The following LIPA variants were observed in gnomAD, a reference collection of about 807,000 sequenced individuals.
LIPA encodes lipase A, lysosomal acid type, also known as lysosomal acid lipase/cholesteryl ester hydrolase.
A neutral mutation model predicts 40.6 loss-of-function variants in LIPA; 26 were observed. That is an observed-to-expected ratio of 0.64 (90% CI 0.47 to 0.89). The LOEUF (loss-of-function observed/expected upper bound fraction) is 0.89. Among genes scored for constraint, LIPA ranks in the 40% least tolerant of loss-of-function variants. LIPA has a pLI of 0.00. For missense variants in LIPA, 455 were observed against 479.6 expected, an observed-to-expected ratio of 0.95 and a Z score of 0.48; for synonymous variants, 188 against 168.4, an observed-to-expected ratio of 1.12 and a Z score of -0.90.
At chr10:89,217,901 T>C (rs375477370) in intron 8 of LIPA, among the ~76,000 whole-genome samples, 1 of 152,170 alleles carries the variant, frequency 6.6e-6, no homozygotes, top group South Asian at 2.1e-4. Flanking sequence ...AAATAATAGA[T>C]ATTTGGGTAA....
intron 1 of LIPA, among the ~76,000 whole-genome samples, chr10:89,300,995 G>C (rs61853126): frequency 6.6e-6 from 1 of 152,086 alleles, no homozygotes; most frequent in African/African-American, 2.4e-5. Context: ...TTTGGTTAAC[G>C]ATTTTAGTTA....
intron 1 of LIPA, among the ~76,000 whole-genome samples, chr10:89,312,952 ATGAC>A (rs1322877772): frequency 3.3e-5 from 5 of 152,092 alleles, no homozygotes; most frequent in African/African-American, 1.2e-4. Context: ...GAGGGAGAAA[ATGAC>A]TGGCAGAGGA....
intron 2 of LIPA, among the ~76,000 whole-genome samples, chr10:89,361,643 C>T (rs958042003): frequency 6.6e-6 from 1 of 152,244 alleles, no homozygotes; most frequent in African/African-American, 2.4e-5. Context: ...CAGATTTAAT[C>T]CCTTTCAGCC....
intron 2 of LIPA, among the ~76,000 whole-genome samples, chr10:89,382,538 A>C (rs1844170877): frequency 6.6e-6 from 1 of 152,148 alleles, no homozygotes; most frequent in African/African-American, 2.4e-5. Context: ...AATTGTTGAG[A>C]TTTTATAGCC....
intron 1 of LIPA, among the ~76,000 whole-genome samples, chr10:89,281,648 C>T (rs1843316837): frequency 6.6e-6 from 1 of 152,210 alleles, no homozygotes; most frequent in Non-Finnish European, 1.5e-5. Flanking sequence ...CACTGATATT[C>T]CAGAAACCAA....
chr10:89,292,581 C>T (rs1843380656), intron 1 of LIPA: 1 of 152,184 alleles, frequency 6.6e-6, no homozygotes, highest in Admixed American at 6.5e-5. Flanking sequence ...TTACCATGTG[C>T]CAAGCACTGT....
intron 1 of LIPA, among the ~76,000 whole-genome samples, chr10:89,275,212 G>C (rs1843283859): frequency 6.6e-6 from 1 of 152,214 alleles, no homozygotes. Context: ...TCAAGCAGGT[G>C]TGTTTGTGAA....
chr10:89,328,604 G>A (rs1843621514), intron 1 of LIPA, among the ~76,000 whole-genome samples: 1 of 152,158 alleles, frequency 6.6e-6, no homozygotes. Context: ...AGGCAATTTT[G>A]CCCTGAAACG....
At chr10:89,339,635 A>G (rs1843819288) in intron 1 of LIPA, 3 of 1,614,206 alleles carry the variant, frequency 1.9e-6, no homozygotes, top group Non-Finnish European at 2.5e-6. Flanking sequence ...AAGGGACTGA[A>G]TCCTCTGAAT....
In LIPA at chr10:89,317,338, G is replaced by A. The variant is rs34183623; in HGVS notation, c.-2+25273C>T. 8.5e-3 allele frequency among the ~76,000 whole-genome samples: 1,295 copies of A among 152,316 alleles called. 11 individuals carry two copies. The highest frequency in any genetic ancestry group is 0.024 in the Middle Eastern group (7 of 294). On this transcript the variant is annotated intron_variant, in intron 1 of 5. Coordinates refer to the LIPA transcript ENST00000282673. Reference sequence around the variant, plus strand: ...ACCTTGAAAAAAGATTCGACGAATGGCTAACTAGAATAAAGAGCGTAGAGA... The same window carrying A: ...ACCTTGAAAAAAGATTCGACGAATGACTAACTAGAATAAAGAGCGTAGAGA...
intron 1 of LIPA, among the ~76,000 whole-genome samples, chr10:89,335,813 T>G (rs544148081): frequency 6.6e-6 from 1 of 152,348 alleles, no homozygotes; most frequent in Admixed American, 6.5e-5. Flanking sequence ...TTAACTCATG[T>G]TTCCATGACT....
At chr10:89,392,655 C>T (rs1844273363) in intron 2 of LIPA, 2 of 1,594,618 alleles carry the variant, frequency 1.3e-6, no homozygotes, top group East Asian at 2.2e-5. Flanking sequence ...ATAGCCAGAT[C>T]TCAGAGGAGC....
chr10:89,215,037 T>C lies in LIPA; in HGVS notation c.991A>G (p.Lys331Glu), dbSNP rs767127945. 1 of 1,613,458 alleles carries C rather than the reference T, an allele frequency of 6.2e-7. No individual in the cohort carries two copies. Among genetic ancestry groups the C allele is most frequent in the East Asian group, 2.2e-5 (1 of 44,884 alleles). ...NQSYPPTYNV[K>E]DMLVPTAVWS... The stretch of plus-strand genomic sequence containing the variant: ...ACTGCAGTCGGCACAAGCATGTCCT[T>C]CACATTGTATGTGGGAGGATAACTC... The change falls in exon 10 of 10, where the codon AAG (lysine) becomes GAG (glutamate). Residue 331 changes from lysine (K) to glutamate (E), a missense_variant. Physicochemically the swap from Lys to Glu is moderately conservative, Grantham distance 56. Coordinates refer to ENST00000336233, the MANE Select transcript of LIPA (RefSeq NM_000235.4).
At chr10:89,266,355 G>A (rs1843236507) in intron 1 of LIPA, among the ~76,000 whole-genome samples, 1 of 152,048 alleles carries the variant, frequency 6.6e-6, no homozygotes, top group African/African-American at 2.4e-5. Flanking sequence ...CAAGAATGAT[G>A]GTGATGCCAA....
At chr10:89,260,898 C>T (rs184099389) in intron 1 of LIPA, among the ~76,000 whole-genome samples, 2 of 152,278 alleles carry the variant, frequency 1.3e-5, no homozygotes, top group Admixed American at 6.5e-5. Flanking sequence ...CTTTGACCCG[C>T]GATGGTGAGC....
Position 89,375,731 on chromosome 10 carries a change from T to C in LIPA, c.61+37060A>G, listed in dbSNP as rs75021594. ...CTCATTCCCCTGAATGGTTCTAACC[T>C]CCATTTCTGTGCTGTCATTATGCTT... On this transcript the variant is annotated intron_variant, in intron 2 of 8. Coordinates refer to the LIPA transcript ENST00000371837. Among the ~76,000 whole-genome samples, 422 of 152,342 alleles carry C rather than the reference T, an allele frequency of 2.8e-3. 1 individual carries two copies. The highest frequency in any genetic ancestry group is 4.3e-3 in the Non-Finnish European group (294 of 68,030).
intron 1 of LIPA, among the ~76,000 whole-genome samples, chr10:89,290,456 T>C (rs1843367568): frequency 6.6e-6 from 1 of 152,140 alleles, no homozygotes; most frequent in Admixed American, 6.5e-5. Context: ...AACACTTCAA[T>C]ACTATTTTAT....
At chr10:89,265,900 C>T (rs1445828428) in intron 1 of LIPA, among the ~76,000 whole-genome samples, 1 of 152,166 alleles carries the variant, frequency 6.6e-6, no homozygotes, top group Admixed American at 6.5e-5. Flanking sequence ...ATCCAAAATG[C>T]TCCGGGATTC....
intron 1 of LIPA, among the ~76,000 whole-genome samples, chr10:89,317,870 C>T (rs908963804): frequency 1.3e-5 from 2 of 152,156 alleles, no homozygotes; most frequent in African/African-American, 2.4e-5. Context: ...GCAGATGTCT[C>T]GGCAGAAACT....
Sources: allele counts gnomAD v4.1 joint callset (sites outside exome capture counted in the v4.1 genomes callset), GRCh38; gene constraint gnomAD v4.1.1; transcripts MANE v1.5; gene names NCBI Gene and HGNC (gene_info 2026-07-23, HGNC 2026-07-21).